The following RAB11FIP4 variants were observed in gnomAD, a reference collection of about 807,000 sequenced individuals.
RAB11FIP4 encodes rab11 family-interacting protein 4.
A neutral mutation model predicts 74.3 loss-of-function variants in RAB11FIP4; 23 were observed. The ratio of observed to expected loss-of-function variants is 0.31; its 90% CI spans 0.22 to 0.44. RAB11FIP4 has a LOEUF of 0.44. RAB11FIP4 is among the 20% of genes least tolerant of loss of function. The probability of loss-of-function intolerance (pLI) is 1.00; values close to 1 mark genes in which losing one functional copy is unlikely to be tolerated. For synonymous variants in RAB11FIP4, 360 were observed against 359.9 expected, an observed-to-expected ratio of 1.00 and a Z score of 0.00; for missense variants, 630 against 863.9, an observed-to-expected ratio of 0.73 and a Z score of 3.39.
chr17:31,456,200 C>G (rs17826730), intron 3 of RAB11FIP4, among the ~76,000 whole-genome samples: 11,533 of 152,204 alleles, frequency 0.076, 925 homozygotes, highest in East Asian at 0.22. Flanking sequence ...GCTGATTTGT[C>G]ATCCTGTGTA....
At chr17:31,515,962 T>C (rs1360612795) in intron 3 of RAB11FIP4, among the ~76,000 whole-genome samples, 1 of 152,166 alleles carries the variant, frequency 6.6e-6, no homozygotes, top group African/African-American at 2.4e-5. Flanking sequence ...CGCTCAGAAG[T>C]GAGGCCTGGC....
rs569384749 is a variant in RAB11FIP4 at position 31,403,263 on chromosome 17, G to A, written c.159+11252G>A. Among the ~76,000 whole-genome samples the A allele has an allele frequency of 2.6e-5, 4 of 152,096 alleles. No homozygotes were observed. In the South Asian group the frequency reaches 8.3e-4, roughly 32 times the overall value. On this transcript the variant is annotated intron_variant, in intron 1 of 14. Transcript: ENST00000621161. ...GATTTTCCATGGACAGAGAGGATAT[G>A]GAGACCCAAGGACTCCAGGACCCAC...
chr17:31,434,088 C>G lies in RAB11FIP4; in HGVS notation c.302C>G (p.Pro101Arg). The G allele has an allele frequency of 1.3e-6, 2 of 1,586,170 alleles. No homozygotes were observed. The highest frequency in any genetic ancestry group is 1.7e-6 in the Non-Finnish European group (2 of 1,174,010). Residue 101 changes from proline (P) to arginine (R), a missense_variant, in exon 3 of 15, where the codon CCG (proline) becomes CGG (arginine). Transcript: ENST00000621161. ...TCGGTGGAGAGCGCGGGGACGCTGC[C>G]GTGCGCGCCAGAGATCCCAGACTGC... Reference protein sequence around the residue: ...VLSVESAGTLPCAPEIPDCVE... With the variant: ...VLSVESAGTLRCAPEIPDCVE...
At chr17:31,435,976 T>C (rs1282545380) in intron 3 of RAB11FIP4, among the ~76,000 whole-genome samples, 1 of 152,216 alleles carries the variant, frequency 6.6e-6, no homozygotes, top group African/African-American at 2.4e-5. Context: ...GGGTTGAATA[T>C]GTATTTGGGG....
intron 4 of RAB11FIP4, among the ~76,000 whole-genome samples, chr17:31,520,476 G>A (rs2072641718): frequency 6.6e-6 from 1 of 152,044 alleles, no homozygotes; most frequent in African/African-American, 2.4e-5. Flanking sequence ...CAGAAGCAGA[G>A]CAGCTACTCC....
chr17:31,492,121 G>A (rs1019128504), intron 3 of RAB11FIP4, among the ~76,000 whole-genome samples: 1 of 152,130 alleles, frequency 6.6e-6, no homozygotes, highest in Admixed American at 6.5e-5. Context: ...CAGCCTGCCC[G>A]TGTTTTCCGT....
intron 7 of RAB11FIP4, 160 bp from the exon 8 acceptor site, chr17:31,523,352 G>T: frequency 1.5e-6 from 1 of 665,488 alleles, no homozygotes. Context: ...GGGGTGATCC[G>T]CTGAGTTTGG....
chr17:31,392,361 A>C, intron 1 of RAB11FIP4: 1 of 178,846 alleles, frequency 5.6e-6, no homozygotes. Context: ...TCCCCACCCC[A>C]CCCGGCGCTG....
At chr17:31,451,458 CAAAAAAAAAAAAAA>C (rs60812825) in intron 3 of RAB11FIP4, among the ~76,000 whole-genome samples, 1 of 85,988 alleles carries the variant, frequency 1.2e-5, no homozygotes, top group African/African-American at 4.5e-5. Flanking sequence ...GACTCCATCT[CAAAAAAAAAAAAAA>C]AAAAAAAAAT....
At chr17:31,436,666 C>A (rs1418554507) in intron 3 of RAB11FIP4, among the ~76,000 whole-genome samples, 1 of 151,958 alleles carries the variant, frequency 6.6e-6, no homozygotes, top group Admixed American at 6.6e-5. Flanking sequence ...CCGCGTCAGC[C>A]TATCTCAGCA....
Position 31,530,296 on chromosome 17 carries a change from T to C in RAB11FIP4, c.1654-30T>C, listed in dbSNP as rs1308697440. 7 of 1,610,722 alleles carry C rather than the reference T, an allele frequency of 4.3e-6. No homozygotes were observed. In the South Asian group the frequency reaches 7.7e-5, roughly 18 times the overall value. ...AGTGGGCTGTGGATGCCTCTTGGGGTTGATGTCGCCTTCGTCCTTCTCTCT... is the reference window on the plus strand; with the variant it reads ...AGTGGGCTGTGGATGCCTCTTGGGGCTGATGTCGCCTTCGTCCTTCTCTCT... On this transcript the variant is annotated intron_variant, in intron 13 of 14. Coordinates refer to ENST00000621161, the MANE Select transcript of RAB11FIP4 (RefSeq NM_032932.6).
At position 31,505,465 on chromosome 17, in the gene RAB11FIP4, TATA is replaced by T. The variant is rs1455848985; in HGVS notation, c.337-12177_337-12175del. Among the ~76,000 whole-genome samples the T allele has an allele frequency of 2.5e-4, 20 of 78,500 alleles. 1 individual carries two copies. The highest frequency in any genetic ancestry group is 6.9e-4 in the South Asian group (2 of 2,906). 51.5% of individuals were successfully genotyped at this position (78,500 alleles called of 152,430 possible). On this transcript the variant is annotated intron_variant, in intron 3 of 14. Coordinates refer to ENST00000621161, the MANE Select transcript of RAB11FIP4 (RefSeq NM_032932.6). ...ATAATATATAATAATTATTATAACATATAATAATAATTATAATATATAATATAT... is the reference window on the plus strand; with the variant it reads ...ATAATATATAATAATTATTATAACATATAATAATTATAATATATAATATAT...
chr17:31,487,562 T>C (rs1017314169), intron 3 of RAB11FIP4, among the ~76,000 whole-genome samples: 25 of 151,862 alleles, frequency 1.6e-4, no homozygotes, highest in Non-Finnish European at 2.8e-4. Context: ...GCTGGAAAAG[T>C]TGTGGGTAGG....
At chr17:31,442,588 A>G (rs1349646463) in intron 3 of RAB11FIP4, among the ~76,000 whole-genome samples, 1 of 152,234 alleles carries the variant, frequency 6.6e-6, no homozygotes, top group Non-Finnish European at 1.5e-5. Flanking sequence ...AAAGCTTAGA[A>G]TATTTACTGT....
chr17:31,411,771 C>T (rs1221749682), intron 1 of RAB11FIP4, among the ~76,000 whole-genome samples: 1 of 152,256 alleles, frequency 6.6e-6, no homozygotes, highest in African/African-American at 2.4e-5. Context: ...TTGGCCCTGC[C>T]ATACGGGCCC....
At chr17:31,524,049 G>T in intron 9 of RAB11FIP4, 53 bp downstream of exon 9, 1 of 1,361,588 alleles carries the variant, frequency 7.3e-7, no homozygotes, top group East Asian at 2.4e-5. Context: ...GGAACAAAGG[G>T]GGGTCCATCT....
chr17:31,480,772 G>A (rs1270597269), intron 3 of RAB11FIP4, among the ~76,000 whole-genome samples: 1 of 123,102 alleles, frequency 8.1e-6, no homozygotes, highest in African/African-American at 3.2e-5. Context: ...TGGCGACAGA[G>A]CCAGACTCCA....
intron 3 of RAB11FIP4, among the ~76,000 whole-genome samples, chr17:31,491,026 C>T (rs555059808): frequency 2.6e-5 from 4 of 152,210 alleles, no homozygotes; most frequent in Non-Finnish European, 4.4e-5. Flanking sequence ...ACACTGGCCT[C>T]GAAGATCAAT....
At chr17:31,515,017 C>A (rs1437316523) in intron 3 of RAB11FIP4, among the ~76,000 whole-genome samples, 2 of 152,152 alleles carry the variant, frequency 1.3e-5, no homozygotes, top group Non-Finnish European at 2.9e-5. Flanking sequence ...CCTGCCCTGC[C>A]CTGCCCTCTG....
Sources: allele counts gnomAD v4.1 joint callset (sites outside exome capture counted in the v4.1 genomes callset), GRCh38; gene constraint gnomAD v4.1.1; transcripts MANE v1.5; gene names NCBI Gene and HGNC (gene_info 2026-07-23, HGNC 2026-07-21).